Variants in VEPH1 observed in about 807,000 individuals in gnomAD.
VEPH1 encodes ventricular zone expressed PH domain containing 1.
In VEPH1, 80 loss-of-function variants were observed where a neutral mutation model predicts 85.2. The ratio of observed to expected loss-of-function variants is 0.94; its 90% CI spans 0.78 to 1.13. The LOEUF is 1.13. VEPH1 is among the 50% of genes most tolerant of loss of function. The pLI is 0.00. For missense variants in VEPH1, 955 were observed against 980.5 expected (o/e 0.97, Z 0.35); for synonymous variants, 297 against 348.0 (o/e 0.85, Z 1.63).
At chr3:157,278,095 A>C (rs186561582) in intron 12 of VEPH1, among the ~76,000 whole-genome samples, 2 of 152,262 alleles carry the variant, frequency 1.3e-5, no homozygotes, top group African/African-American at 4.8e-5. Context: ...AGAACTTACT[A>C]TTTACTGGAG....
At chr3:157,345,440 C>T (rs1440241194) in intron 9 of VEPH1, among the ~76,000 whole-genome samples, 4 of 152,316 alleles carry the variant, frequency 2.6e-5, no homozygotes, top group African/African-American at 9.6e-5. Flanking sequence ...TGTTCATCAT[C>T]ACTGGCCATC....
intron 11 of VEPH1, among the ~76,000 whole-genome samples, chr3:157,311,608 C>T (rs1720120163): frequency 6.6e-6 from 1 of 152,034 alleles, no homozygotes; most frequent in South Asian, 2.1e-4. Context: ...ATTTTGTTTA[C>T]AGTTAATTTT....
chr3:157,364,084 A>G (rs1324894470), intron 8 of VEPH1, among the ~76,000 whole-genome samples: 3 of 152,226 alleles, frequency 2.0e-5, no homozygotes, highest in African/African-American at 7.2e-5. Flanking sequence ...CATATGGCAT[A>G]TAAGCAATAG....
At chr3:157,477,307 T>C (rs932034935) in intron 2 of VEPH1, among the ~76,000 whole-genome samples, 7 of 152,178 alleles carry the variant, frequency 4.6e-5, no homozygotes, top group African/African-American at 1.7e-4. Flanking sequence ...TCATTCCCTC[T>C]CTTTCTTCCA....
intron 2 of VEPH1, among the ~76,000 whole-genome samples, chr3:157,494,620 G>A (rs1356159812): frequency 6.6e-6 from 1 of 152,188 alleles, no homozygotes; most frequent in Non-Finnish European, 1.5e-5. Context: ...TAAATGGCAG[G>A]TCCAGGGAGT....
rs1559952824 is a variant in VEPH1, at chr3:157,317,159, G to A, written c.1778C>T (p.Ser593Phe). Residue 593 changes from serine to phenylalanine, a missense_variant, in exon 10 of 14, where the codon TCC (serine) becomes TTC (phenylalanine). Physicochemically the swap from Ser to Phe is radical, Grantham distance 155. Coordinates refer to ENST00000362010, the MANE Select transcript of VEPH1 (RefSeq NM_001167912.2). ...GTATAGGCAGTAATGACCCTTCAGGGAGCAGGTGAAGAACAACTTTGCTAC... is the reference window on the plus strand; with the variant it reads ...GTATAGGCAGTAATGACCCTTCAGGAAGCAGGTGAAGAACAACTTTGCTAC... ...SCVAKLFFTC[S>F]LKGHYCLYSK... is the part of the protein sequence containing the mutation. The A allele has an allele frequency of 6.2e-7, 1 of 1,612,610 alleles. No homozygotes were observed.
intron 7 of VEPH1, among the ~76,000 whole-genome samples, chr3:157,370,705 G>T (rs778388779): frequency 7.9e-5 from 12 of 152,202 alleles, no homozygotes; most frequent in Non-Finnish European, 1.3e-4. Context: ...GTTATGTGGG[G>T]ATCAGAATGT....
chr3:157,287,494 T>C (rs1163739262), intron 11 of VEPH1, among the ~76,000 whole-genome samples: 1 of 152,192 alleles, frequency 6.6e-6, no homozygotes, highest in Non-Finnish European at 1.5e-5. Context: ...TCTTTTGCTT[T>C]ATTCTAAAAG....
intron 4 of VEPH1, among the ~76,000 whole-genome samples, chr3:157,438,072 C>G (rs1733810630): frequency 6.6e-6 from 1 of 150,598 alleles, no homozygotes; most frequent in Admixed American, 6.6e-5. Flanking sequence ...CACACACACA[C>G]CCCTATTTCT....
intron 12 of VEPH1, among the ~76,000 whole-genome samples, chr3:157,278,034 C>A (rs1715618431): frequency 6.6e-6 from 1 of 152,168 alleles, no homozygotes; most frequent in South Asian, 2.1e-4. Context: ...TATTGAGCAT[C>A]TGTTGTGTGC....
At chr3:157,317,368 A>G (rs961909125) in intron 9 of VEPH1, among the ~76,000 whole-genome samples, 167 bp from the exon 10 acceptor site, 2 of 152,370 alleles carry the variant, frequency 1.3e-5, no homozygotes, top group East Asian at 1.9e-4. Flanking sequence ...TTTCATGGAA[A>G]GTAGATTTAA....
chr3:157,281,365 A>G (rs564135946), intron 12 of VEPH1, among the ~76,000 whole-genome samples: 1 of 152,294 alleles, frequency 6.6e-6, no homozygotes, highest in South Asian at 2.1e-4. Flanking sequence ...ATCAATATAT[A>G]CTCAGTAGTC....
intron 6 of VEPH1, 109 bp downstream of exon 6, chr3:157,413,772 C>T: frequency 7.1e-7 from 1 of 1,410,528 alleles, no homozygotes; most frequent in Non-Finnish European, 9.5e-7. Context: ...ATTGGAACTC[C>T]CAGAAATTCC....
Position 157,450,726 on chromosome 3 carries a change from C to T in VEPH1, c.529+9455G>A, listed in dbSNP as rs1560072447. 3.3e-5 allele frequency among the ~76,000 whole-genome samples: 5 copies of T among 152,080 alleles called. No individual in the cohort carries two copies. The South Asian group carries it at 6.2e-4, about 19-fold the overall frequency. On this transcript the variant is annotated intron_variant, in intron 4 of 13. Coordinates refer to ENST00000362010, the MANE Select transcript of VEPH1 (RefSeq NM_001167912.2). ...TTTATGAGATACTTTTTACTAATCA[C>T]ATGATGTTTTTCCTCTTTAGTCTTT...
chr3:157,382,202 G>A (rs116071103), intron 6 of VEPH1, among the ~76,000 whole-genome samples: 2,483 of 152,252 alleles, frequency 0.016, 35 homozygotes, highest in Non-Finnish European at 0.026. Context: ...ATGCTTGGCC[G>A]ATTGAGTAGA....
intron 9 of VEPH1, among the ~76,000 whole-genome samples, chr3:157,354,898 G>T (rs1053463409): frequency 3.9e-5 from 6 of 152,110 alleles, no homozygotes; most frequent in Non-Finnish European, 8.8e-5. Context: ...CACATTGCAG[G>T]TAGGGAGATA....
intron 11 of VEPH1, among the ~76,000 whole-genome samples, chr3:157,287,418 G>T (rs1384974840): frequency 6.6e-6 from 1 of 151,542 alleles, no homozygotes; most frequent in African/African-American, 2.4e-5. Context: ...TGGCTTTACA[G>T]GGGGCTGATG....
intron 2 of VEPH1, among the ~76,000 whole-genome samples, chr3:157,478,906 A>G (rs1737747876): frequency 6.6e-6 from 1 of 152,162 alleles, no homozygotes; most frequent in South Asian, 2.1e-4. Context: ...AACTTCAAAA[A>G]TTTTATATCT....
rs555432372 is a variant in VEPH1 at position 157,480,614 on chromosome 3, G to A, written c.139-10085C>T. 6.6e-5 allele frequency among the ~76,000 whole-genome samples: 10 copies of A among 152,202 alleles called. No homozygotes were observed. In the South Asian group the frequency reaches 2.1e-3, roughly 32 times the overall value. ...AATGGCCTCTAGTTGCATCCATGTT[G>A]CTGCAAAGGACATGACTTTGTTTTT... On this transcript the variant is annotated intron_variant, in intron 2 of 13. Coordinates refer to ENST00000362010, the MANE Select transcript of VEPH1 (RefSeq NM_001167912.2).
Sources: allele counts gnomAD v4.1 joint callset (sites outside exome capture counted in the v4.1 genomes callset), GRCh38; gene constraint gnomAD v4.1.1; transcripts MANE v1.5; gene names NCBI Gene and HGNC (gene_info 2026-07-23, HGNC 2026-07-21).